The following MEI4 variants were observed in gnomAD, a reference collection of about 807,000 sequenced individuals.
MEI4 encodes the protein meiosis-specific protein MEI4.
MEI4 carries 27 observed loss-of-function variants against 31.4 expected under a neutral mutation model. That is an observed-to-expected ratio of 0.86 (90% CI 0.63 to 1.19). The LOEUF is 1.19. MEI4 is among the 50% of genes most tolerant of loss of function. The probability of loss-of-function intolerance (pLI) is 0.00; values close to 1 mark genes in which losing one functional copy is unlikely to be tolerated. For missense variants in MEI4, 329 were observed against 398.9 expected (o/e 0.82, Z 1.49); for synonymous variants, 122 against 145.4 (o/e 0.84, Z 1.16).
intron 3 of MEI4, among the ~76,000 whole-genome samples, chr6:77,792,155 T>C (rs1454865930): frequency 6.6e-6 from 1 of 152,172 alleles, no homozygotes; most frequent in Non-Finnish European, 1.5e-5. Flanking sequence ...TAGTATTCCA[T>C]TGTGTATATA....
chr6:77,707,355 T>C (rs61645362), intron 2 of MEI4, among the ~76,000 whole-genome samples: 31,210 of 152,120 alleles, frequency 0.21, 3,555 homozygotes, highest in African/African-American at 0.3. Context: ...CAGTAATGTT[T>C]AGCATTCAAG....
chr6:77,666,791 T>A lies in MEI4; in HGVS notation c.-15+13699T>A, dbSNP rs186969769. ...ACTTCCTCCTGTCTCACTGGGGAAG[T>A]CTTTAGAAAGAAAACACAACTCCTT... On this transcript the variant is annotated intron_variant, in intron 1 of 4. Coordinates refer to ENST00000684080, the MANE Select transcript of MEI4 (RefSeq NM_001322247.2). 6.6e-5 allele frequency among the ~76,000 whole-genome samples: 10 copies of A among 152,266 alleles called. No individual in the cohort carries two copies. In the East Asian group the frequency reaches 1.2e-3, roughly 18 times the overall value.
intron 3 of MEI4, among the ~76,000 whole-genome samples, chr6:77,828,635 A>G (rs1343330370): frequency 6.6e-6 from 1 of 152,038 alleles, no homozygotes; most frequent in Admixed American, 6.6e-5. Context: ...TTGATTTATC[A>G]TCTCCTTTAT....
intron 1 of MEI4, among the ~76,000 whole-genome samples, chr6:77,681,280 A>G (rs1768952628): frequency 6.6e-6 from 1 of 152,212 alleles, no homozygotes; most frequent in African/African-American, 2.4e-5. Flanking sequence ...CCTTATAAAG[A>G]TTCCAAATTT....
At chr6:77,745,267 G>C (rs1767561699) in intron 2 of MEI4, among the ~76,000 whole-genome samples, 1 of 152,088 alleles carries the variant, frequency 6.6e-6, no homozygotes, top group African/African-American at 2.4e-5. Context: ...ATAAAAGGAT[G>C]GAGGAAGACC....
At chr6:77,793,137 C>G (rs1448254813) in intron 3 of MEI4, among the ~76,000 whole-genome samples, 1 of 151,950 alleles carries the variant, frequency 6.6e-6, no homozygotes, top group Non-Finnish European at 1.5e-5. Flanking sequence ...AAGAGAGACT[C>G]TTGAAAGTGG....
At chr6:77,792,426 G>A (rs1768961452) in intron 3 of MEI4, among the ~76,000 whole-genome samples, 2 of 152,120 alleles carry the variant, frequency 1.3e-5, no homozygotes. Flanking sequence ...CACACCAGCA[G>A]TGTACAAGGG....
chr6:77,907,810 G>T (rs1341464585), intron 4 of MEI4, among the ~76,000 whole-genome samples: 1 of 152,090 alleles, frequency 6.6e-6, no homozygotes, highest in Non-Finnish European at 1.5e-5. Flanking sequence ...TCCAGCACCT[G>T]TTGTTTCCTA....
At chr6:77,877,354 G>A (rs940938970) in intron 4 of MEI4, among the ~76,000 whole-genome samples, 1 of 151,842 alleles carries the variant, frequency 6.6e-6, no homozygotes, top group African/African-American at 2.4e-5. Context: ...TCAAAGTTGT[G>A]TTGAAACATA....
chr6:77,894,854 A>G (rs1766046679), intron 4 of MEI4, among the ~76,000 whole-genome samples: 1 of 152,180 alleles, frequency 6.6e-6, no homozygotes, highest in East Asian at 1.9e-4. Flanking sequence ...TGCTTCTCCA[A>G]CAAATCTGGC....
intron 4 of MEI4, among the ~76,000 whole-genome samples, chr6:77,852,830 C>T (rs562428817): frequency 1.4e-4 from 21 of 152,172 alleles, no homozygotes; most frequent in South Asian, 4.1e-4. Context: ...TAAGTTTCAA[C>T]ATATGAATTT....
intron 4 of MEI4, among the ~76,000 whole-genome samples, chr6:77,922,727 C>T (rs1766733474): frequency 1.3e-5 from 2 of 151,548 alleles, no homozygotes; most frequent in Non-Finnish European, 1.5e-5. Flanking sequence ...AAATAAGTAC[C>T]ATGAATTCAA....
At chr6:77,822,384 G>T (rs1353575676) in intron 3 of MEI4, among the ~76,000 whole-genome samples, 1 of 152,018 alleles carries the variant, frequency 6.6e-6, no homozygotes, top group East Asian at 1.9e-4. Flanking sequence ...AAGTCCTGAG[G>T]TTATGGTAAG....
chr6:77,836,714 A>G (rs1770226533), intron 4 of MEI4, among the ~76,000 whole-genome samples: 1 of 152,086 alleles, frequency 6.6e-6, no homozygotes, highest in African/African-American at 2.4e-5. Context: ...GAAACAGTTC[A>G]CCTATTTCAG....
At chr6:77,827,360 T>TAAAA (rs57446339) in intron 3 of MEI4, among the ~76,000 whole-genome samples, 3 of 67,778 alleles carry the variant, frequency 4.4e-5, no homozygotes, top group African/African-American at 1.3e-4. Context: ...GACTCCATCT[T>TAAAA]AAAAAAAAAA....
At chr6:77,837,045 C>T (rs1770233954) in intron 4 of MEI4, among the ~76,000 whole-genome samples, 1 of 152,042 alleles carries the variant, frequency 6.6e-6, no homozygotes, top group Non-Finnish European at 1.5e-5. Context: ...GCTGAACATT[C>T]CCCCAAAATA....
At chr6:77,909,590 C>G (rs774454437) in intron 4 of MEI4, among the ~76,000 whole-genome samples, 4 of 152,056 alleles carry the variant, frequency 2.6e-5, no homozygotes, top group Non-Finnish European at 4.4e-5. Context: ...AACAAAAGTC[C>G]AGGACCAGAT....
chr6:77,855,065 G>T (rs1053758377), intron 4 of MEI4, among the ~76,000 whole-genome samples: 2 of 152,132 alleles, frequency 1.3e-5, no homozygotes, highest in Non-Finnish European at 2.9e-5. Flanking sequence ...AGGTCCGGGT[G>T]TGGTGGCTCA....
At chr6:77,771,813 A>G (rs1308525468) in intron 3 of MEI4, among the ~76,000 whole-genome samples, 1 of 152,014 alleles carries the variant, frequency 6.6e-6, no homozygotes, top group Non-Finnish European at 1.5e-5. Context: ...GAGGGAGAAG[A>G]CTAGAAAAAA....
Sources: allele counts gnomAD v4.1 joint callset (sites outside exome capture counted in the v4.1 genomes callset), GRCh38; gene constraint gnomAD v4.1.1; transcripts MANE v1.5; gene names NCBI Gene and HGNC (gene_info 2026-07-23, HGNC 2026-07-21).